The following THOC5 variants were observed in gnomAD, a reference collection of about 807,000 sequenced individuals.
The protein encoded by THOC5 is THO complex subunit 5, also known as Fms-interacting protein.
In THOC5, 43 loss-of-function variants were observed where a neutral mutation model predicts 92.9. The ratio of observed to expected loss-of-function variants is 0.46; its 90% CI spans 0.36 to 0.60. THOC5 has a LOEUF of 0.60. THOC5 is among the 20% of genes least tolerant of loss of function. The pLI, the probability that THOC5 is intolerant of heterozygous loss-of-function variation, is 0.00. For synonymous variants in THOC5, 296 were observed against 320.1 expected (o/e 0.92, Z 0.80); for missense variants, 659 against 849.4 (o/e 0.78, Z 2.79).
At chr22:29,548,358 C>A (rs926699256) in intron 2 of THOC5, among the ~76,000 whole-genome samples, 1 of 152,050 alleles carries the variant, frequency 6.6e-6, no homozygotes, top group Admixed American at 6.6e-5. Context: ...GAGTTTGAGA[C>A]CAACCTGGGT....
intron 13 of THOC5, 77 bp from the exon 14 acceptor site, chr22:29,520,181 C>T (rs933213838): frequency 2.4e-6 from 3 of 1,269,612 alleles, no homozygotes; most frequent in Non-Finnish European, 3.3e-6. Context: ...TCCTCCCACC[C>T]TCCCATGCCC....
At chr22:29,543,335 G>C in intron 4 of THOC5, 94 bp downstream of exon 4, 2 of 774,928 alleles carry the variant, frequency 2.6e-6, no homozygotes, top group South Asian at 3.4e-5. Context: ...GGGACAGAAC[G>C]AGACTCTGTC....
At chr22:29,528,552 C>T in intron 9 of THOC5, 86 bp from the exon 10 acceptor site, 1 of 1,345,074 alleles carries the variant, frequency 7.4e-7, no homozygotes, top group South Asian at 1.2e-5. Flanking sequence ...ATAAAGGGGC[C>T]CTGACTCTGT....
chr22:29,531,688 TGCAGAGGGAAGAAA>T, intron 8 of THOC5, 129 bp downstream of exon 8: 8 of 1,469,802 alleles, frequency 5.4e-6, no homozygotes, highest in African/African-American at 1.4e-5. Context: ...TGCTGGGCAA[TGCAGAGGGAAGAAA>T]GCTTCTGTCA....
chr22:29,543,498 G>A lies in THOC5; in HGVS notation c.285C>T (p.Phe95=). The change falls in exon 4 of 20, where the codon TTC becomes TTT. Residue 95 remains phenylalanine, a synonymous_variant. Coordinates refer to ENST00000490103, the MANE Select transcript of THOC5 (RefSeq NM_003678.5). ...EERRIQSCVH[F]MTLKKLNRLA... Reference sequence around the variant, plus strand: ...ATCGGTTAAGCTTCTTTAGAGTCATGAAATGCACACAGCTCTGGATCCTCC... The same window carrying A: ...ATCGGTTAAGCTTCTTTAGAGTCATAAAATGCACACAGCTCTGGATCCTCC... 6.2e-7 allele frequency: 1 copy of A among 1,613,984 alleles called. No individual in the cohort carries two copies. The highest frequency in any genetic ancestry group is 1.3e-5 in the African/African-American group (1 of 75,006).
intron 14 of THOC5, among the ~76,000 whole-genome samples, chr22:29,519,439 G>A (rs1410975660): frequency 6.6e-6 from 1 of 152,216 alleles, no homozygotes; most frequent in Non-Finnish European, 1.5e-5. Flanking sequence ...GGGCAGCAGA[G>A]CCTGCAGACA....
chr22:29,528,019 G>A, intron 11 of THOC5, 59 bp downstream of exon 11: 1 of 1,552,888 alleles, frequency 6.4e-7, no homozygotes, highest in Non-Finnish European at 8.9e-7. Flanking sequence ...CTCTGCACCT[G>A]CAGCTGGGTG....
At chr22:29,519,975 C>G (rs1440154932) in intron 14 of THOC5, 33 bp downstream of exon 14, 2 of 1,571,974 alleles carry the variant, frequency 1.3e-6, no homozygotes, top group African/African-American at 2.7e-5. Flanking sequence ...GAGGTAAGCT[C>G]CTCAGCCAAC....
chr22:29,536,575 C>G (rs751217250), intron 7 of THOC5, 49 bp downstream of exon 7: 1 of 1,120,528 alleles, frequency 8.9e-7, no homozygotes, highest in South Asian at 1.2e-5. Context: ...TGACTTCTGG[C>G]AGCGCCTGGT....
At chr22:29,525,029 G>C (rs62226148) in intron 12 of THOC5, among the ~76,000 whole-genome samples, 1 of 152,158 alleles carries the variant, frequency 6.6e-6, no homozygotes, top group Non-Finnish European at 1.5e-5. Flanking sequence ...TTCCAGCACT[G>C]TGAGAGGCAG....
chr22:29,523,282 T>TAAAA (rs1328086231), intron 12 of THOC5, among the ~76,000 whole-genome samples: 24 of 151,788 alleles, frequency 1.6e-4, no homozygotes, highest in East Asian at 9.7e-4. Context: ...AATAAAAACA[T>TAAAA]TAACTCTGTC....
At chr22:29,511,410 G>C (rs2063219899) in intron 18 of THOC5, 114 bp from the exon 19 acceptor site, 1 of 1,178,406 alleles carries the variant, frequency 8.5e-7, no homozygotes, top group South Asian at 1.4e-5. Context: ...GCAGGGGCTG[G>C]GCCAGGGGCT....
At chr22:29,552,412 T>G (rs1165647171) in intron 1 of THOC5, among the ~76,000 whole-genome samples, 1 of 144,318 alleles carries the variant, frequency 6.9e-6, no homozygotes, top group African/African-American at 2.6e-5. Context: ...GTCTGGGATG[T>G]GAGGAGCACC....
chr22:29,519,942 C>A, intron 14 of THOC5, 66 bp downstream of exon 14: 1 of 1,406,248 alleles, frequency 7.1e-7, no homozygotes, highest in East Asian at 2.3e-5. Flanking sequence ...CCTGGCCTTT[C>A]TAGAGTCTAT....
intron 7 of THOC5, 66 bp downstream of exon 7, chr22:29,536,558 G>C: frequency 1.0e-6 from 1 of 959,526 alleles, no homozygotes; most frequent in Non-Finnish European, 1.7e-6. Flanking sequence ...AAGCCCAAAG[G>C]GTGACATGAC....
intron 17 of THOC5, 115 bp from the exon 18 acceptor site, chr22:29,512,251 G>C: frequency 1.3e-6 from 1 of 747,594 alleles, no homozygotes; most frequent in Non-Finnish European, 2.3e-6. Context: ...TAATCTGAAT[G>C]CTGCAGAGTA....
At chr22:29,516,884 C>T in intron 17 of THOC5, 145 bp downstream of exon 17, 2 of 711,500 alleles carry the variant, frequency 2.8e-6, no homozygotes, top group Non-Finnish European at 4.9e-6. Flanking sequence ...CAGAATGAGT[C>T]CTTGCTGAAC....
chr22:29,535,494 G>A (rs1569225715), intron 7 of THOC5: 1 of 151,858 alleles, frequency 6.6e-6, no homozygotes, highest in Non-Finnish European at 1.5e-5. Flanking sequence ...GTAAACCAAG[G>A]TATAGAAATG....
chr22:29,552,576 G>A (rs1387373738), intron 1 of THOC5, among the ~76,000 whole-genome samples: 19 of 150,456 alleles, frequency 1.3e-4, no homozygotes, highest in African/African-American at 4.6e-4. Flanking sequence ...GGGGGGAGGT[G>A]GGGGCCAGCC....
Sources: gnomAD v4.1 joint callset for allele counts (sites outside exome capture counted in the v4.1 genomes callset) on GRCh38, gnomAD v4.1.1 for gene constraint, MANE v1.5 for transcripts, NCBI Gene and HGNC (gene_info 2026-07-23, HGNC 2026-07-21) for gene names.